TET2: variants seen among roughly 807,000 people sequenced by gnomAD.
TET2 encodes methylcytosine dioxygenase TET2.
A neutral mutation model predicts 142.9 loss-of-function variants in TET2; 299 were observed. The observed-to-expected ratio is 2.09, with a 90% CI of 1.90 to 2.30. The LOEUF (loss-of-function observed/expected upper bound fraction) is 2.30, where lower values mean the gene tolerates loss of function less well. Ranked by LOEUF, TET2 falls within the 30% of genes most tolerant of loss-of-function variation. The pLI is 0.00. For missense variants in TET2, 2,418 were observed against 2,378.0 expected (o/e 1.02, Z -0.35); for synonymous variants, 819 against 849.0 (o/e 0.96, Z 0.61).
At chr4:105,265,596 CA>C (rs953511410) in intron 8 of TET2, among the ~76,000 whole-genome samples, 36 of 152,202 alleles carry the variant, frequency 2.4e-4, no homozygotes, top group African/African-American at 8.4e-4. Flanking sequence ...TTCCTTTGGC[CA>C]AAGTTTTATG....
At position 105,272,645 on chromosome 4, in the gene TET2, A is replaced by G. The variant is rs1315495391; in HGVS notation, c.4264A>G (p.Lys1422Glu). 6.4e-7 allele frequency: 1 copy of G among 1,551,642 alleles called. No individual in the cohort carries two copies. Among genetic ancestry groups the G allele is most frequent in the African/African-American group, 1.4e-5 (1 of 73,166 alleles). The change falls in exon 10 of 11, where the codon AAA becomes GAA. Residue 1422 changes from lysine (K) to glutamate (E), a missense_variant. Transcript: ENST00000380013. ...GCAGCTTCACGTTCTGCCTTTATAC[A>G]AAGTCTCTGACGTGGATGAGTTTGG... ...DEQLHVLPLY[K>E]VSDVDEFGSV... is the part of the protein sequence containing the mutation.
intron 2 of TET2, among the ~76,000 whole-genome samples, chr4:105,218,549 C>A (rs909709642): frequency 2.0e-5 from 3 of 152,010 alleles, no homozygotes; most frequent in African/African-American, 7.2e-5. Flanking sequence ...TTATCATTGC[C>A]AGTTTTAGAG....
At position 105,276,347 on chromosome 4, in the gene TET2, G is replaced by C; in HGVS notation, c.5837G>C (p.Gly1946Ala). ...GPDYVPQKSHGKKVKREPAEP... is the reference protein window; with the variant it reads ...GPDYVPQKSHAKKVKREPAEP... The stretch of plus-strand genomic sequence containing the variant: ...GACTATGTGCCTCAGAAATCCCATG[G>C]CAAAAAAGTGAAACGGGAGCCTGCT... Residue 1946 changes from glycine to alanine, a missense_variant, in exon 11 of 11, where the codon GGC becomes GCC. Coordinates refer to ENST00000380013, the MANE Select transcript of TET2 (RefSeq NM_001127208.3). The C allele has an allele frequency of 1.3e-6, 2 of 1,551,668 alleles. No homozygotes were observed. Among genetic ancestry groups the C allele is most frequent in the Non-Finnish European group, 1.7e-6 (2 of 1,146,990 alleles).
chr4:105,172,710 G>T (rs1724544966), intron 1 of TET2: 1 of 152,156 alleles, frequency 6.6e-6, no homozygotes, highest in Non-Finnish European at 1.5e-5. Context: ...AACTATGAAA[G>T]TTGAATTCAA....
chr4:105,194,452 T>G (rs1175764018), intron 2 of TET2, among the ~76,000 whole-genome samples: 1 of 152,182 alleles, frequency 6.6e-6, no homozygotes. Context: ...AAAATAGCTT[T>G]TCTTATTGGC....
intron 2 of TET2, among the ~76,000 whole-genome samples, chr4:105,211,032 C>T (rs895542288): frequency 1.3e-5 from 2 of 152,122 alleles, no homozygotes; most frequent in Non-Finnish European, 2.9e-5. Context: ...TACTTCTAGC[C>T]GCACCTCAAA....
intron 1 of TET2, among the ~76,000 whole-genome samples, chr4:105,182,743 TC>T (rs1725195626): frequency 6.6e-6 from 1 of 152,176 alleles, no homozygotes; most frequent in African/African-American, 2.4e-5. Flanking sequence ...TAGTGACTGA[TC>T]AAATGTCAGC....
At chr4:105,177,035 A>G (rs144671097) in intron 1 of TET2, among the ~76,000 whole-genome samples, 113 of 152,340 alleles carry the variant, frequency 7.4e-4, no homozygotes, top group African/African-American at 2.6e-3. Context: ...TTCAACAAAT[A>G]ATGCTGGAAA....
At chr4:105,227,649 C>T (rs940937841) in intron 2 of TET2, among the ~76,000 whole-genome samples, 1 of 152,164 alleles carries the variant, frequency 6.6e-6, no homozygotes, top group African/African-American at 2.4e-5. Flanking sequence ...CAAAATATTT[C>T]TGATGAGTCA....
chr4:105,168,699 C>A (rs1216680653), intron 1 of TET2, among the ~76,000 whole-genome samples: 2 of 152,034 alleles, frequency 1.3e-5, no homozygotes, highest in Non-Finnish European at 2.9e-5. Flanking sequence ...GAGCAGTATA[C>A]ACTTCACCCT....
At chr4:105,242,757 A>G (rs1729371745) in intron 4 of TET2, 77 bp from the exon 5 acceptor site, 1 of 1,522,364 alleles carries the variant, frequency 6.6e-7, no homozygotes. Flanking sequence ...GTTATGCTCA[A>G]ATGTTCAAAT....
intron 1 of TET2, among the ~76,000 whole-genome samples, chr4:105,159,798 G>A (rs576530630): frequency 8.1e-4 from 124 of 152,220 alleles, no homozygotes; most frequent in African/African-American, 2.9e-3. Flanking sequence ...GGTGGCAAGA[G>A]ATCGAGATCA....
At chr4:105,220,708 A>G (rs921669859) in intron 2 of TET2, among the ~76,000 whole-genome samples, 2 of 152,166 alleles carry the variant, frequency 1.3e-5, no homozygotes, top group African/African-American at 4.8e-5. Flanking sequence ...TGAGGCAGGC[A>G]TCCGAATACT....
chr4:105,239,231 T>A lies in TET2; in HGVS notation c.3409+1880T>A, dbSNP rs530051213. On this transcript the variant is annotated intron_variant, in intron 3 of 10. Transcript: ENST00000380013. ...GCATAATTCTTAAGGGCCTTGGAAT[T>A]TTCAGAATGGTAAATGAGTATGGGC... 8.0e-4 allele frequency: 195 copies of A among 242,382 alleles called. 1 individual carries two copies. Among genetic ancestry groups the A allele is most frequent in the Non-Finnish European group, 1.5e-3 (171 of 114,542 alleles). The allele number at this position is 242,382 out of a possible 1,614,324, so 15.0% of individuals were successfully genotyped here.
intron 1 of TET2, among the ~76,000 whole-genome samples, chr4:105,173,402 G>T (rs867178890): frequency 2.0e-5 from 3 of 151,622 alleles, no homozygotes; most frequent in Non-Finnish European, 4.4e-5. Context: ...GCATGGTGGT[G>T]TGCTCCCGTA....
At chr4:105,245,577 G>A (rs1452776215) in intron 6 of TET2, among the ~76,000 whole-genome samples, 10 of 152,218 alleles carry the variant, frequency 6.6e-5, no homozygotes, top group African/African-American at 1.4e-4. Flanking sequence ...TGATCCGCCC[G>A]CCTCGGCCTC....
intron 1 of TET2, among the ~76,000 whole-genome samples, chr4:105,149,885 G>A (rs1203802896): frequency 6.6e-6 from 1 of 152,186 alleles, no homozygotes; most frequent in Admixed American, 6.5e-5. Flanking sequence ...AACAAGTGAA[G>A]TGCACCTGCC....
chr4:105,193,361 G>A, intron 2 of TET2, among the ~76,000 whole-genome samples: 1 of 152,038 alleles, frequency 6.6e-6, no homozygotes, highest in Non-Finnish European at 1.5e-5. Context: ...GAGAGAAGAT[G>A]GGAAAGCAGG....
chr4:105,264,277 A>G (rs1174438586), intron 8 of TET2, among the ~76,000 whole-genome samples: 1 of 152,178 alleles, frequency 6.6e-6, no homozygotes, highest in East Asian at 1.9e-4. Context: ...ATCACAAAGT[A>G]TAAGGAGTGC....
Sources: allele counts gnomAD v4.1 joint callset (sites outside exome capture counted in the v4.1 genomes callset), GRCh38; gene constraint gnomAD v4.1.1; transcripts MANE v1.5; gene names NCBI Gene and HGNC (gene_info 2026-07-23, HGNC 2026-07-21).